MEIKIN: variants seen among roughly 807,000 people sequenced by gnomAD.
MEIKIN encodes meiotic kinetochore factor.
intron 6 of MEIKIN, among the ~76,000 whole-genome samples, chr5:131,919,213 A>T (rs1294164960): frequency 6.6e-6 from 1 of 152,208 alleles, no homozygotes; most frequent in Non-Finnish European, 1.5e-5. Flanking sequence ...AATTAAAAAA[A>T]AATATGACAA....
At chr5:131,920,299 CTT>C (rs1751483234) in intron 6 of MEIKIN, among the ~76,000 whole-genome samples, 1 of 152,096 alleles carries the variant, frequency 6.6e-6, no homozygotes. Context: ...GAAAGTTCTT[CTT>C]TTACAGTAAA....
At chr5:131,818,901 C>T (rs965792969) in intron 11 of MEIKIN, 38 bp from the exon 12 acceptor site, 1 of 395,272 alleles carries the variant, frequency 2.5e-6, no homozygotes, top group Non-Finnish European at 4.5e-6. Context: ...ATAATTCCTC[C>T]AAATACTACA....
chr5:131,847,437 A>T (rs1750039464), intron 11 of MEIKIN, among the ~76,000 whole-genome samples: 1 of 152,124 alleles, frequency 6.6e-6, no homozygotes, highest in South Asian at 2.1e-4. Flanking sequence ...AGGTTATAAG[A>T]GACAAAGATG....
intron 8 of MEIKIN, among the ~76,000 whole-genome samples, chr5:131,890,455 G>A (rs1750889876): frequency 6.6e-6 from 1 of 152,142 alleles, no homozygotes; most frequent in Non-Finnish European, 1.5e-5. Flanking sequence ...ATCCATTTAT[G>A]TGTCGAGGAA....
intron 8 of MEIKIN, among the ~76,000 whole-genome samples, chr5:131,892,850 C>G (rs189934629): frequency 1.1e-3 from 175 of 152,260 alleles, no homozygotes; most frequent in Admixed American, 3.1e-3. Context: ...GTGGTTTTAT[C>G]TACCTTTGGT....
chr5:131,906,704 T>G (rs538012432), intron 8 of MEIKIN, among the ~76,000 whole-genome samples: 1 of 152,178 alleles, frequency 6.6e-6, no homozygotes, highest in East Asian at 1.9e-4. Context: ...AATAAGAATA[T>G]GTCCTCAGCA....
intron 7 of MEIKIN, among the ~76,000 whole-genome samples, chr5:131,912,606 T>G (rs921591728): frequency 2.0e-5 from 3 of 152,132 alleles, no homozygotes; most frequent in Admixed American, 1.3e-4. Flanking sequence ...ACTGATTAAT[T>G]GAATAGTTGA....
chr5:131,900,434 C>T (rs975435910), intron 8 of MEIKIN, among the ~76,000 whole-genome samples: 1 of 152,100 alleles, frequency 6.6e-6, no homozygotes, highest in African/African-American at 2.4e-5. Context: ...AAGTAGCAAC[C>T]CACCCTTACC....
Position 131,878,988 on chromosome 5 carries a change from G to C in MEIKIN, c.764C>G (p.Thr255Arg). The C allele has an allele frequency of 2.5e-6, 1 of 396,870 alleles. No homozygotes were observed. Among genetic ancestry groups the C allele is most frequent in the Non-Finnish European group, 4.4e-6 (1 of 225,350 alleles). 24.6% of individuals were successfully genotyped at this position (396,870 alleles called of 1,614,324 possible). The stretch of plus-strand genomic sequence containing the variant: ...TGCTTCAATACTTGCTTTTTTCTTT[G>C]TTTTTTCAGGGGTTGAAGGGCAAGT... ...EKTCPSTPEK[T>R]KKKKTNSSTP... The change falls in exon 9 of 13, where the codon ACA (threonine) becomes AGA (arginine). Residue 255 changes from threonine to arginine, a missense_variant. Thr to Arg is a moderately conservative substitution (Grantham distance 71, BLOSUM62 -1). Coordinates refer to ENST00000442687, the MANE Select transcript of MEIKIN (RefSeq NM_001303622.2).
chr5:131,903,060 G>GTA (rs1307637002), intron 8 of MEIKIN, among the ~76,000 whole-genome samples: 2 of 152,174 alleles, frequency 1.3e-5, no homozygotes, highest in Admixed American at 1.3e-4. Context: ...AATCTCAGAG[G>GTA]TTGAAGCCTG....
chr5:131,873,586 T>A (rs536241697), intron 9 of MEIKIN, among the ~76,000 whole-genome samples: 1 of 152,164 alleles, frequency 6.6e-6, no homozygotes. Flanking sequence ...ATTAGACAGA[T>A]CAATGAGACA....
intron 8 of MEIKIN, among the ~76,000 whole-genome samples, chr5:131,906,786 A>C (rs961777119): frequency 2.7e-4 from 41 of 152,250 alleles, no homozygotes; most frequent in Middle Eastern, 6.8e-3. Context: ...AATACTGCAC[A>C]GTCTCACTTA....
At chr5:131,811,568 A>G (rs1336958125) in intron 12 of MEIKIN, among the ~76,000 whole-genome samples, 1 of 151,402 alleles carries the variant, frequency 6.6e-6, no homozygotes, top group Non-Finnish European at 1.5e-5. Context: ...CGGCCTCCCA[A>G]CGTGCTGGGA....
intron 11 of MEIKIN, among the ~76,000 whole-genome samples, chr5:131,826,040 ACC>A (rs1749603105): frequency 6.6e-6 from 1 of 151,020 alleles, no homozygotes; most frequent in African/African-American, 2.4e-5. Flanking sequence ...ACCACCAAAG[ACC>A]TTCACTAAAT....
intron 9 of MEIKIN, among the ~76,000 whole-genome samples, chr5:131,860,698 C>A (rs1357414934): frequency 6.7e-6 from 1 of 149,312 alleles, no homozygotes; most frequent in African/African-American, 2.5e-5. Flanking sequence ...CCACCCACCT[C>A]AGGCTCCCAA....
intron 7 of MEIKIN, among the ~76,000 whole-genome samples, chr5:131,914,766 C>G (rs536501209): frequency 1.3e-5 from 2 of 152,090 alleles, no homozygotes; most frequent in South Asian, 4.2e-4. Context: ...ACCTTCCAGT[C>G]TAGAGCATTA....
At chr5:131,873,877 C>G (rs1349464999) in intron 9 of MEIKIN, among the ~76,000 whole-genome samples, 2 of 152,282 alleles carry the variant, frequency 1.3e-5, no homozygotes, top group African/African-American at 2.4e-5. Context: ...AACTGAACAA[C>G]CTGCTCCTGA....
intron 9 of MEIKIN, among the ~76,000 whole-genome samples, chr5:131,860,307 G>C (rs1235416101): frequency 8.2e-6 from 1 of 122,616 alleles, no homozygotes; most frequent in African/African-American, 3.3e-5. Context: ...TGGTTTTGTT[G>C]GTTTGTTTTG....
intron 8 of MEIKIN, among the ~76,000 whole-genome samples, chr5:131,900,093 A>G (rs1716041775): frequency 6.6e-6 from 1 of 152,218 alleles, no homozygotes; most frequent in South Asian, 2.1e-4. Flanking sequence ...GTCACAAAAC[A>G]AGTCTTAAAA....
Sources: allele counts gnomAD v4.1 joint callset (sites outside exome capture counted in the v4.1 genomes callset), GRCh38; gene constraint gnomAD v4.1.1; transcripts MANE v1.5; gene names NCBI Gene and HGNC (gene_info 2026-07-23, HGNC 2026-07-21).